Variants in STX8 observed in about 807,000 individuals in gnomAD.
STX8 encodes syntaxin 8, also known as syntaxin-8.
Under a neutral mutation model 37.5 loss-of-function variants are expected in STX8, and 23 were observed. That is an observed-to-expected ratio of 0.61 (90% CI 0.44 to 0.87). The LOEUF is 0.87. STX8 is among the 40% of genes least tolerant of loss of function. The pLI is 0.00. For synonymous variants in STX8, 115 were observed against 99.1 expected (o/e 1.16, Z -0.95); for missense variants, 313 against 284.7 (o/e 1.10, Z -0.71).
intron 6 of STX8, among the ~76,000 whole-genome samples, chr17:9,379,692 G>C (rs1010533812): frequency 1.3e-5 from 2 of 152,060 alleles, no homozygotes; most frequent in Admixed American, 6.6e-5. Flanking sequence ...ATGTGGGCTG[G>C]GCACGGTGGC....
At chr17:9,573,634 A>T (rs77576014) in intron 1 of STX8, among the ~76,000 whole-genome samples, 1 of 152,166 alleles carries the variant, frequency 6.6e-6, no homozygotes, top group Non-Finnish European at 1.5e-5. Flanking sequence ...GGCAAAATAA[A>T]CTTTCTAAAT....
chr17:9,530,381 C>T (rs1239521380), intron 4 of STX8, among the ~76,000 whole-genome samples: 2 of 151,708 alleles, frequency 1.3e-5, no homozygotes, highest in East Asian at 3.9e-4. Context: ...TCCATTTCAG[C>T]AAATACAGTT....
At chr17:9,418,519 AAAAAAAAAAAAAC>A (rs888589631) in intron 6 of STX8, among the ~76,000 whole-genome samples, 135 of 149,422 alleles carry the variant, frequency 9.0e-4, no homozygotes, top group Non-Finnish European at 4.3e-4. Context: ...GTTTTTCTAA[AAAAAAAAAAAAAC>A]AAAAAAAAAA....
At chr17:9,573,110 G>A (rs1008485240) in intron 1 of STX8, among the ~76,000 whole-genome samples, 17 of 108,694 alleles carry the variant, frequency 1.6e-4, no homozygotes, top group African/African-American at 4.2e-4. Flanking sequence ...CCATCTGAAC[G>A]GACCCCTACT....
intron 6 of STX8, among the ~76,000 whole-genome samples, chr17:9,469,534 T>C (rs929193103): frequency 2.0e-5 from 3 of 152,176 alleles, no homozygotes; most frequent in African/African-American, 2.4e-5. Flanking sequence ...TCCCAAGTCG[T>C]TGCTTCAAGG....
At chr17:9,369,204 T>C (rs1597628582) in intron 7 of STX8, among the ~76,000 whole-genome samples, 3 of 152,310 alleles carry the variant, frequency 2.0e-5, no homozygotes, top group South Asian at 4.1e-4. Context: ...GAGGACAAGA[T>C]GGTTTTGAAG....
intron 1 of STX8, among the ~76,000 whole-genome samples, chr17:9,570,910 G>C (rs1448489066): frequency 6.6e-6 from 1 of 152,192 alleles, no homozygotes; most frequent in Non-Finnish European, 1.5e-5. Flanking sequence ...ATTCAGACAG[G>C]AGGGAGGAGC....
At position 9,304,137 on chromosome 17, in the gene STX8, A is replaced by C. The variant is rs557147388; in HGVS notation, c.644-53492T>G. Among the ~76,000 whole-genome samples the C allele has an allele frequency of 4.8e-5, 7 of 145,470 alleles. No homozygotes were observed. In the East Asian group the frequency reaches 1.2e-3, roughly 24 times the overall value. On this transcript the variant is annotated intron_variant, in intron 7 of 7. Transcript: ENST00000306357. ...GAAAATCAGCACTAAGAACATCAAC[A>C]GACTGTTAAGAAAAAAAAAGGAAAT...
At chr17:9,515,321 CTA>C (rs1287944065) in intron 4 of STX8, among the ~76,000 whole-genome samples, 1 of 152,142 alleles carries the variant, frequency 6.6e-6, no homozygotes, top group East Asian at 1.9e-4. Context: ...CTTTGGAAGA[CTA>C]TTTCATGTAG....
At chr17:9,462,134 G>A (rs1257027011) in intron 6 of STX8, among the ~76,000 whole-genome samples, 1 of 152,068 alleles carries the variant, frequency 6.6e-6, no homozygotes, top group Non-Finnish European at 1.5e-5. Flanking sequence ...GCCAGGAGTT[G>A]GGGACCCCTG....
In STX8 at chr17:9,536,302, A is replaced by T. The variant is rs191575448; in HGVS notation, c.323+8870T>A. Among the ~76,000 whole-genome samples, 3 of 152,284 alleles carry T rather than the reference A, an allele frequency of 2.0e-5. No individual in the cohort carries two copies. In the East Asian group the frequency reaches 5.8e-4, roughly 29 times the overall value. ...AGGAGTCACTCGGAAGGGAAAGCCGACATCGAGTATCGGGAGATGAAGGGA... is the reference window on the plus strand; with the variant it reads ...AGGAGTCACTCGGAAGGGAAAGCCGTCATCGAGTATCGGGAGATGAAGGGA... On this transcript the variant is annotated intron_variant, in intron 4 of 7. Transcript: ENST00000306357.
At chr17:9,274,804 G>A (rs1437740803) in intron 7 of STX8, among the ~76,000 whole-genome samples, 1 of 122,176 alleles carries the variant, frequency 8.2e-6, no homozygotes, top group Non-Finnish European at 1.6e-5. Context: ...AGGCTGGAGT[G>A]CAGTGGCGTG....
chr17:9,508,730 C>T (rs967871231), intron 4 of STX8, among the ~76,000 whole-genome samples: 1 of 152,102 alleles, frequency 6.6e-6, no homozygotes, highest in Non-Finnish European at 1.5e-5. Flanking sequence ...TCATGGGACA[C>T]TATTAAGTGA....
At chr17:9,413,802 G>A (rs951938457) in intron 6 of STX8, among the ~76,000 whole-genome samples, 73 of 152,110 alleles carry the variant, frequency 4.8e-4, no homozygotes, top group Admixed American at 4.6e-4. Flanking sequence ...GGCTGTGCTC[G>A]TGTATACCTC....
At chr17:9,302,952 T>A in intron 7 of STX8, among the ~76,000 whole-genome samples, 1 of 140,622 alleles carries the variant, frequency 7.1e-6, no homozygotes, top group African/African-American at 2.7e-5. Flanking sequence ...CACCGAAAAA[T>A]GGTGAATTTT....
At chr17:9,366,853 A>G in intron 7 of STX8, among the ~76,000 whole-genome samples, 1 of 152,138 alleles carries the variant, frequency 6.6e-6, no homozygotes, top group Non-Finnish European at 1.5e-5. Flanking sequence ...GAAGGGAAGG[A>G]ATGAGCAACT....
At chr17:9,497,417 T>G (rs146662921) in intron 5 of STX8, among the ~76,000 whole-genome samples, 1 of 152,220 alleles carries the variant, frequency 6.6e-6, no homozygotes, top group African/African-American at 2.4e-5. Flanking sequence ...ATTTCAGATA[T>G]ATATTCTCAA....
intron 6 of STX8, among the ~76,000 whole-genome samples, chr17:9,390,836 CAAA>C (rs34205577): frequency 4.3e-5 from 4 of 93,520 alleles, no homozygotes; most frequent in South Asian, 3.6e-4. Flanking sequence ...GACTCCGTCT[CAAA>C]AAAAAAAAAA....
At position 9,432,666 on chromosome 17, in the gene STX8, C is replaced by A. The variant is rs191003453; in HGVS notation, c.542-54013G>T. Among the ~76,000 whole-genome samples the A allele has an allele frequency of 9.2e-5, 14 of 152,332 alleles. No homozygotes were observed. In the East Asian group the frequency reaches 1.5e-3, roughly 17 times the overall value. On this transcript the variant is annotated intron_variant, in intron 6 of 7. Transcript: ENST00000306357. ...GTGTACTTCATGTTCCTTTTGGTTT[C>A]GAATGAGCAAGGCATTTCAACTATT...
Sources: gnomAD v4.1 joint callset for allele counts (sites outside exome capture counted in the v4.1 genomes callset) on GRCh38, gnomAD v4.1.1 for gene constraint, MANE v1.5 for transcripts, NCBI Gene and HGNC (gene_info 2026-07-23, HGNC 2026-07-21) for gene names.